The following BTBD16 variants were observed in gnomAD, a reference collection of about 807,000 sequenced individuals.
BTBD16 encodes BTB/POZ domain-containing protein 16.
Under a neutral mutation model 67.4 loss-of-function variants are expected in BTBD16, and 66 were observed. The ratio of observed to expected loss-of-function variants is 0.98; its 90% CI spans 0.80 to 1.20. BTBD16 has a LOEUF of 1.20. Among genes scored for constraint, BTBD16 ranks in the 50% most tolerant of loss-of-function variants. The probability of loss-of-function intolerance (pLI) is 0.00; values close to 1 mark genes in which losing one functional copy is unlikely to be tolerated. For missense variants in BTBD16, 634 were observed against 616.0 expected, an observed-to-expected ratio of 1.03 and a Z score of -0.31; for synonymous variants, 242 against 236.4, an observed-to-expected ratio of 1.02 and a Z score of -0.22.
intron 10 of BTBD16, among the ~76,000 whole-genome samples, chr10:122,319,281 C>T (rs2096431592): frequency 6.6e-6 from 1 of 152,028 alleles, no homozygotes; most frequent in African/African-American, 2.4e-5. Flanking sequence ...CCTTGTGTGT[C>T]CTACTTAATA....
chr10:122,336,300 G>T (rs779589461), intron 14 of BTBD16, among the ~76,000 whole-genome samples, 194 bp from the exon 15 acceptor site: 4 of 152,212 alleles, frequency 2.6e-5, no homozygotes, highest in Non-Finnish European at 5.9e-5. Context: ...TCAGCCACAG[G>T]TTTATGTATG....
At chr10:122,272,859 C>T (rs1195771580) in intron 1 of BTBD16, among the ~76,000 whole-genome samples, 1 of 151,980 alleles carries the variant, frequency 6.6e-6, no homozygotes, top group African/African-American at 2.4e-5. Flanking sequence ...ACTACAGTAA[C>T]CCAGTAGAAA....
Position 122,334,947 on chromosome 10 carries a change from C to T in BTBD16, c.1231C>T (p.His411Tyr), listed in dbSNP as rs775855448. The T allele has an allele frequency of 2.8e-5, 43 of 1,559,746 alleles. No homozygotes were observed. The highest frequency in any genetic ancestry group is 1.0e-4 in the Admixed American group (6 of 58,498). Residue 411 changes from histidine to tyrosine, a missense_variant, in exon 14 of 16, where the codon CAT (histidine) becomes TAT (tyrosine). By Grantham distance (83) the His-to-Tyr change is moderately conservative (BLOSUM62 2). Coordinates refer to ENST00000260723, the MANE Select transcript of BTBD16 (RefSeq NM_144587.5). The stretch of plus-strand genomic sequence containing the variant: ...CTTCTTTAAGATAAAGGGACTCAAA[C>T]ATGATACTACCTCTTATAGTTTTTA... ...GFFFKIKGLK[H>Y]DTTSYSFYMQ...
intron 13 of BTBD16, chr10:122,332,831 G>T (rs1360442612): frequency 7.0e-5 from 69 of 985,248 alleles, no homozygotes; most frequent in Non-Finnish European, 7.7e-5. Context: ...AACTGGGAAG[G>T]GTTGGTCTTT....
At chr10:122,314,223 C>T (rs970471543) in intron 10 of BTBD16, among the ~76,000 whole-genome samples, 6 of 152,130 alleles carry the variant, frequency 3.9e-5, no homozygotes, top group African/African-American at 1.4e-4. Context: ...ATTTATTTGT[C>T]TTTTAAAATT....
intron 5 of BTBD16, 26 bp from the exon 6 acceptor site, chr10:122,289,883 C>T: frequency 6.3e-7 from 1 of 1,585,756 alleles, no homozygotes; most frequent in East Asian, 2.2e-5. Flanking sequence ...CACATCCTGC[C>T]ATCATCATCT....
intron 3 of BTBD16, among the ~76,000 whole-genome samples, chr10:122,277,487 A>T (rs187623446): frequency 6.6e-6 from 1 of 152,306 alleles, no homozygotes; most frequent in Admixed American, 6.5e-5. Flanking sequence ...TTTATAAAGA[A>T]AAAAGGTTTA....
chr10:122,301,284 A>C (rs2096393405), intron 9 of BTBD16, among the ~76,000 whole-genome samples: 1 of 152,208 alleles, frequency 6.6e-6, no homozygotes. Flanking sequence ...TCTGACCACA[A>C]CCGGAAGGTT....
At position 122,331,163 on chromosome 10, in the gene BTBD16, C is replaced by T. The variant is rs200375277; in HGVS notation, c.1004-13C>T. 2.5e-5 allele frequency: 40 copies of T among 1,606,214 alleles called. No individual in the cohort carries two copies. The highest frequency in any genetic ancestry group is 3.3e-4 in the Middle Eastern group (2 of 6,044). On this transcript the variant is annotated splice_polypyrimidine_tract_variant and intron_variant, in intron 11 of 15. Coordinates refer to ENST00000260723, the MANE Select transcript of BTBD16 (RefSeq NM_144587.5). Reference sequence around the variant, plus strand: ...ATAAAACTAAAAAACATTCTCTTTGCGTTTCTTCCCAGGCAAGGATCTGGA... The same window carrying T: ...ATAAAACTAAAAAACATTCTCTTTGTGTTTCTTCCCAGGCAAGGATCTGGA...
intron 2 of BTBD16, 84 bp from the exon 3 acceptor site, chr10:122,276,707 C>T: frequency 6.5e-7 from 1 of 1,542,164 alleles, no homozygotes; most frequent in Non-Finnish European, 8.8e-7. Context: ...TCTTGATTTC[C>T]TTCTTGCTAT....
chr10:122,331,378 G>A, intron 12 of BTBD16, 120 bp downstream of exon 12: 7 of 1,368,988 alleles, frequency 5.1e-6, no homozygotes, highest in Non-Finnish European at 6.7e-6. Flanking sequence ...GGACATATCT[G>A]GATCATCTTC....
At chr10:122,283,479 A>G (rs11200528) in intron 3 of BTBD16, among the ~76,000 whole-genome samples, 5,925 of 152,296 alleles carry the variant, frequency 0.039, 327 homozygotes, top group East Asian at 0.2. Context: ...GTGAGTTCAC[A>G]TCCCAGAAAT....
chr10:122,300,615 T>C (rs11814714), intron 9 of BTBD16, among the ~76,000 whole-genome samples: 5,819 of 152,292 alleles, frequency 0.038, 371 homozygotes, highest in African/African-American at 0.13. Flanking sequence ...TTATCAACTT[T>C]AAGAAATTTA....
intron 9 of BTBD16, among the ~76,000 whole-genome samples, chr10:122,304,550 CTTTTT>C (rs3037891): frequency 1.0e-5 from 1 of 95,462 alleles, no homozygotes; most frequent in African/African-American, 4.3e-5. Context: ...AGCAGGTATT[CTTTTT>C]TTTTTTTTTT....
chr10:122,273,221 GAT>G (rs71715395), intron 1 of BTBD16, among the ~76,000 whole-genome samples: 13,324 of 129,332 alleles, frequency 0.1, 882 homozygotes, highest in East Asian at 0.25. Context: ...GCAACACAAA[GAT>G]ATATATATAT....
chr10:122,312,334 A>G (rs959874994), intron 10 of BTBD16, among the ~76,000 whole-genome samples: 37 of 56,438 alleles, frequency 6.6e-4, no homozygotes, highest in African/African-American at 2.4e-3. Flanking sequence ...TTTTTTTTTG[A>G]GACAGTCTCG....
intron 3 of BTBD16, among the ~76,000 whole-genome samples, chr10:122,283,298 G>C (rs957931649): frequency 6.8e-4 from 104 of 152,354 alleles, no homozygotes; most frequent in Non-Finnish European, 1.9e-4. Context: ...ATCTAGGCAA[G>C]TGATGAGATG....
At chr10:122,283,182 G>A (rs1197724397) in intron 3 of BTBD16, among the ~76,000 whole-genome samples, 1 of 152,250 alleles carries the variant, frequency 6.6e-6, no homozygotes, top group African/African-American at 2.4e-5. Context: ...TCCGAGCAGA[G>A]CAGGGCCGGA....
intron 11 of BTBD16, among the ~76,000 whole-genome samples, chr10:122,330,604 T>C (rs1431260528): frequency 1.3e-5 from 2 of 152,248 alleles, no homozygotes; most frequent in Non-Finnish European, 1.5e-5. Flanking sequence ...TACACTTAAA[T>C]TGTACATTAA....
Sources: gnomAD v4.1 joint callset for allele counts (sites outside exome capture counted in the v4.1 genomes callset) on GRCh38, gnomAD v4.1.1 for gene constraint, MANE v1.5 for transcripts, NCBI Gene and HGNC (gene_info 2026-07-23, HGNC 2026-07-21) for gene names.